Variants in SLC43A2 observed in about 807,000 individuals in gnomAD.
SLC43A2 encodes the protein large neutral amino acids transporter small subunit 4.
In SLC43A2, 38 loss-of-function variants were observed where a neutral mutation model predicts 63.2. The ratio of observed to expected loss-of-function variants is 0.60; its 90% CI spans 0.46 to 0.79. SLC43A2 has a LOEUF of 0.79. SLC43A2 is among the 30% of genes least tolerant of loss of function. SLC43A2 has a pLI of 0.00. For missense variants in SLC43A2, 644 were observed against 756.2 expected, an observed-to-expected ratio of 0.85 and a Z score of 1.74; for synonymous variants, 322 against 331.0, an observed-to-expected ratio of 0.97 and a Z score of 0.30.
rs2075864629 is a variant in SLC43A2 at position 1,572,737 on chromosome 17, C to CT, written c.*2866dup. 1 of 152,834 alleles carries CT rather than the reference C, an allele frequency of 6.5e-6. No homozygotes were observed. The highest frequency in any genetic ancestry group is 1.5e-5 in the Non-Finnish European group (1 of 68,462). The allele number at this position is 152,834 out of a possible 1,614,324, so 9.5% of individuals were successfully genotyped here. On this transcript the variant is annotated 3_prime_UTR_variant, in exon 14 of 14. Transcript: ENST00000301335. ...TGTTGGCCCTGGACTGTTTCCCCCC[C>CT]TCAATTCTGTTTCTCAATGCCTGCT...
intron 11 of SLC43A2, among the ~76,000 whole-genome samples, chr17:1,582,138 G>C (rs1477614888): frequency 2.0e-5 from 3 of 151,580 alleles, no homozygotes; most frequent in Non-Finnish European, 2.9e-5. Context: ...GGAGTGCAGT[G>C]GCGCGATCTC....
At position 1,616,701 on chromosome 17, in the gene SLC43A2, C is replaced by G; in HGVS notation, c.229G>C (p.Gly77Arg). 1 of 1,614,164 alleles carries G rather than the reference C, an allele frequency of 6.2e-7. No individual in the cohort carries two copies. The highest frequency in any genetic ancestry group is 8.5e-7 in the Non-Finnish European group (1 of 1,180,042). ...PGHEEVSWMN[G>R]WLSCQAQDEM... The stretch of plus-strand genomic sequence containing the variant: ...TCCTGGGCCTGGCAGCTGAGCCAGC[C>G]GTTCATCCAGCTCACCTCCTCGTGC... Residue 77 changes from glycine (G) to arginine (R), a missense_variant, in exon 3 of 14, where the codon GGC (glycine) becomes CGC (arginine). Transcript: ENST00000301335.
At chr17:1,629,180 C>G (rs912439562), upstream of SLC43A2, among the ~76,000 whole-genome samples, 1 of 151,970 alleles carries the variant, frequency 6.6e-6, no homozygotes, top group Admixed American at 6.5e-5. Flanking sequence ...AGCGGACTCC[C>G]CCCAGAAGCC....
rs1051971401 is a variant in SLC43A2, at chr17:1,575,484, C to T, written c.*120G>A. 16 of 1,331,394 alleles carry T rather than the reference C, an allele frequency of 1.2e-5. No individual in the cohort carries two copies. The highest frequency in any genetic ancestry group is 8.7e-5 in the African/African-American group (6 of 69,294). 82.5% of individuals were successfully genotyped at this position (1,331,394 alleles called of 1,614,324 possible). On this transcript the variant is annotated 3_prime_UTR_variant, in exon 14 of 14. Transcript: ENST00000301335. ...TCCGAGGCAGGGCCCCGGGAGGGAG[C>T]GTGAACGCTGGCACGGAGACGGCGA... is the stretch of plus-strand genomic sequence containing the variant.
chr17:1,606,748 G>A lies in SLC43A2; in HGVS notation c.501+6447C>T, dbSNP rs896825818. 2.6e-5 allele frequency among the ~76,000 whole-genome samples: 4 copies of A among 152,352 alleles called. No homozygotes were observed. The highest frequency in any genetic ancestry group is 7.2e-5 in the African/African-American group (3 of 41,592). On this transcript the variant is annotated intron_variant, in intron 5 of 13. Coordinates refer to ENST00000301335, the MANE Select transcript of SLC43A2 (RefSeq NM_152346.3). This position sits in a 1 kb window ranked among gnomAD's most constrained non-coding sequence, Gnocchi z 4.7. The stretch of plus-strand genomic sequence containing the variant: ...CCGGGGGAGGCTGAGGATCCACACC[G>A]TGGGGAGTGCTCTGCCCCCATGGAG...
Position 1,591,623 on chromosome 17 carries a change from T to C in SLC43A2, c.671A>G (p.Asn224Ser). Residue 224 changes from asparagine to serine, a missense_variant, in exon 7 of 14, where the codon AAC becomes AGC. By Grantham distance (46) the Asn-to-Ser change is conservative. Around this residue, in one of 3 missense-constraint regions of SLC43A2, gnomAD observed 528 missense variants for 623.6 expected, o/e 0.85. Transcript: ENST00000301335. ...WAGCSGLVFL[N>S]CFFNWPLEPF... ...CTCAAGGGGCCAGTTAAAGAAGCAG[T>C]TGAGGAAAACCAGCCCGGAGCAGCC... 1 of 1,548,492 alleles carries C rather than the reference T, an allele frequency of 6.5e-7. No individual in the cohort carries two copies. The highest frequency in any genetic ancestry group is 8.7e-7 in the Non-Finnish European group (1 of 1,146,516).
chr17:1,627,340 T>C (rs1014116301), intron 2 of SLC43A2, among the ~76,000 whole-genome samples: 18 of 152,110 alleles, frequency 1.2e-4, no homozygotes, highest in African/African-American at 3.1e-4. Flanking sequence ...TTCCTCTTTC[T>C]CACAAGCAGA....
At chr17:1,619,538 C>T (rs1480915922) in intron 2 of SLC43A2, among the ~76,000 whole-genome samples, 1 of 152,214 alleles carries the variant, frequency 6.6e-6, no homozygotes, top group Non-Finnish European at 1.5e-5. Context: ...CAGCCAAACA[C>T]ATGGCAGACG....
rs761577163 is a variant in SLC43A2 at position 1,578,651 on chromosome 17, C to T, written c.1351-328G>A. ...CAAGCAATTCTCCTGCCTCAGCCTT[C>T]GGAGTAGCTAGGATTACAGGCCCAC... On this transcript the variant is annotated intron_variant, in intron 11 of 13. Coordinates refer to ENST00000301335, the MANE Select transcript of SLC43A2 (RefSeq NM_152346.3). This position sits in a 1 kb window ranked among gnomAD's most constrained non-coding sequence, Gnocchi z 6.5. 3 of 274,524 alleles carry T rather than the reference C, an allele frequency of 1.1e-5. No individual in the cohort carries two copies. Among genetic ancestry groups the T allele is most frequent in the Non-Finnish European group, 2.1e-5 (3 of 143,266 alleles). 17.0% of individuals were successfully genotyped at this position (274,524 alleles called of 1,614,324 possible). A position where few individuals can be genotyped will look rare whatever the true frequency, so the allele number is the denominator to read the frequency against.
chr17:1,576,119 C>T (rs1457686630), intron 13 of SLC43A2, among the ~76,000 whole-genome samples: 2 of 130,268 alleles, frequency 1.5e-5, no homozygotes, highest in Admixed American at 9.5e-5. Flanking sequence ...CTCGCGCTGT[C>T]GTCATTCAGG....
At chr17:1,607,795 A>G (rs8068736) in intron 5 of SLC43A2, among the ~76,000 whole-genome samples, 20,115 of 151,788 alleles carry the variant, frequency 0.13, 3,502 homozygotes, top group African/African-American at 0.41. Context: ...AGCTCACTGC[A>G]ACCTCTGCCT....
Position 1,593,815 on chromosome 17 carries a change from C to T in SLC43A2, c.502-536G>A, listed in dbSNP as rs1304661002. On this transcript the variant is annotated intron_variant, in intron 5 of 13. Coordinates refer to ENST00000301335, the MANE Select transcript of SLC43A2 (RefSeq NM_152346.3). This position sits in a 1 kb window ranked among gnomAD's most constrained non-coding sequence, Gnocchi z 5.3. ...AGTTCTCTTCGGTCTGAGGATGAAG[C>T]TGGCCCAGGATTCCTGCTTCTGAAT... is the stretch of plus-strand genomic sequence containing the variant. Among the ~76,000 whole-genome samples the T allele has an allele frequency of 2.6e-5, 4 of 152,068 alleles. No homozygotes were observed. Among genetic ancestry groups the T allele is most frequent in the African/African-American group, 9.7e-5 (4 of 41,414 alleles).
At chr17:1,592,569 C>T (rs1904920691) in intron 6 of SLC43A2, among the ~76,000 whole-genome samples, 1 of 152,158 alleles carries the variant, frequency 6.6e-6, no homozygotes, top group Non-Finnish European at 1.5e-5. Context: ...CACACCGTGT[C>T]CCCCTCTCCT....
In SLC43A2 at chr17:1,586,026, G is replaced by A. The variant is rs367954565; in HGVS notation, c.1104C>T (p.Gly368=). 51 of 1,605,438 alleles carry A rather than the reference G, an allele frequency of 3.2e-5. No homozygotes were observed. The highest frequency in any genetic ancestry group is 5.6e-5 in the South Asian group (5 of 89,952). The change falls in exon 10 of 14, where the codon GGC becomes GGT. Residue 368 remains glycine (G), a synonymous_variant. Transcript: ENST00000301335. The part of the protein sequence containing the change: ...KTVGLYTSIF[G]VLQLLCLLTA... ...TCAGCAGGCACAGCAGCTGGAGCAC[G>A]CCGAAGATGGAGGTGTAGAGGCCAA...
chr17:1,601,017 ATAGGGTTGTTGTGGTAGCGAC>A (rs1905958209), intron 5 of SLC43A2, among the ~76,000 whole-genome samples: 1 of 151,976 alleles, frequency 6.6e-6, no homozygotes, highest in Non-Finnish European at 1.5e-5. Flanking sequence ...TGCTGCCTCC[ATAGGGTTGTTGTGGTAGCGAC>A]TGATTTTCCA....
rs1428024976 is a variant in SLC43A2 at position 1,572,969 on chromosome 17, T to A, written c.*2635A>T. ...GGGAGAATTGCTTCAGCCCAGGAGT[T>A]CCAGACCAGCCTGGGCAAAATAGCA... is the stretch of plus-strand genomic sequence containing the variant. On this transcript the variant is annotated 3_prime_UTR_variant, in exon 14 of 14. Coordinates refer to ENST00000301335, the MANE Select transcript of SLC43A2 (RefSeq NM_152346.3). 1 of 151,882 alleles carries A rather than the reference T, an allele frequency of 6.6e-6. No homozygotes were observed. Among genetic ancestry groups the A allele is most frequent in the East Asian group, 1.9e-4 (1 of 5,184 alleles). 9.4% of individuals were successfully genotyped at this position (151,882 alleles called of 1,614,324 possible).
rs751433439 is a variant in SLC43A2, at chr17:1,627,888, G to GCGGCTCCGGCTC, written c.-26_-15dup. On this transcript the variant is annotated 5_prime_UTR_variant, in exon 2 of 14. Coordinates refer to ENST00000301335, the MANE Select transcript of SLC43A2 (RefSeq NM_152346.3). ...GGTGGGCGCCATGGTGCGGCGCGGCGCGGCTCCGGCTCCGGCTCCGGCTCT... is the reference window on the plus strand; with the variant it reads ...GGTGGGCGCCATGGTGCGGCGCGGCGCGGCTCCGGCTCCGGCTCCGGCTCCGGCTCCGGCTCT... The GCGGCTCCGGCTC allele has an allele frequency of 1.7e-5, 26 of 1,547,002 alleles. No individual in the cohort carries two copies. The highest frequency in any genetic ancestry group is 4.0e-5 in the Admixed American group (2 of 50,626).
intron 9 of SLC43A2, among the ~76,000 whole-genome samples, chr17:1,588,904 C>T (rs8076758): frequency 0.032 from 4,894 of 152,192 alleles, 262 homozygotes; most frequent in African/African-American, 0.11. Context: ...CGGGGCCGTA[C>T]GCGGAGGCGA....
At chr17:1,602,303 G>A (rs915127779) in intron 5 of SLC43A2, among the ~76,000 whole-genome samples, 1 of 152,032 alleles carries the variant, frequency 6.6e-6, no homozygotes, top group Non-Finnish European at 1.5e-5. Flanking sequence ...CACTGCACCC[G>A]GCCAATCTTT....
Sources: allele counts gnomAD v4.1 joint callset (sites outside exome capture counted in the v4.1 genomes callset), GRCh38; gene constraint gnomAD v4.1.1; regional missense constraint gnomAD v4.1.1; non-coding constraint Gnocchi (gnomAD v3.1); transcripts MANE v1.5; gene names NCBI Gene and HGNC (gene_info 2026-07-23, HGNC 2026-07-21).